The following BCAS3 variants were observed in gnomAD, a reference collection of about 807,000 sequenced individuals.
The protein encoded by BCAS3 is BCAS3 microtubule associated cell migration factor.
Under a neutral mutation model 116.1 loss-of-function variants are expected in BCAS3, and 53 were observed. That is an observed-to-expected ratio of 0.46 (90% CI 0.37 to 0.57). The LOEUF is 0.57. BCAS3 is among the 20% of genes least tolerant of loss of function. BCAS3 has a pLI of 0.00. For missense variants in BCAS3, 917 were observed against 1,165.4 expected (o/e 0.79, Z 3.10); for synonymous variants, 391 against 408.2 (o/e 0.96, Z 0.51).
intron 22 of BCAS3, among the ~76,000 whole-genome samples, chr17:61,184,284 T>C (rs940020067): frequency 6.6e-6 from 1 of 152,062 alleles, no homozygotes; most frequent in African/African-American, 2.4e-5. Flanking sequence ...AGAACTCTTA[T>C]AACTCAATAA....
chr17:61,000,264 T>C (rs2064146445), intron 15 of BCAS3, among the ~76,000 whole-genome samples: 1 of 152,180 alleles, frequency 6.6e-6, no homozygotes, highest in Admixed American at 6.5e-5. Flanking sequence ...ATGTTGGCTA[T>C]GAGTTTGTTG....
At chr17:60,788,589 A>G (rs1402821640) in intron 6 of BCAS3, among the ~76,000 whole-genome samples, 4 of 152,150 alleles carry the variant, frequency 2.6e-5, no homozygotes, top group Non-Finnish European at 5.9e-5. Flanking sequence ...TTTGGTGATC[A>G]TATTTAGTTG....
chr17:60,716,408 T>C (rs1251885045), intron 5 of BCAS3, among the ~76,000 whole-genome samples: 1 of 152,186 alleles, frequency 6.6e-6, no homozygotes, highest in African/African-American at 2.4e-5. Context: ...AAACAGAGGC[T>C]CTGAGATGAA....
chr17:60,932,984 G>C (rs1212119135), intron 13 of BCAS3, among the ~76,000 whole-genome samples: 2 of 151,982 alleles, frequency 1.3e-5, no homozygotes, highest in East Asian at 3.9e-4. Context: ...AGACCAGCCT[G>C]GCCAACATGG....
At chr17:61,280,833 A>G (rs1424653472) in intron 22 of BCAS3, among the ~76,000 whole-genome samples, 1 of 152,202 alleles carries the variant, frequency 6.6e-6, no homozygotes, top group Non-Finnish European at 1.5e-5. Context: ...TTTGGGCAGC[A>G]AAGATGGAGC....
Position 61,368,327 on chromosome 17 carries a change from G to A in BCAS3, c.2426G>A (p.Gly809Asp), listed in dbSNP as rs775141966. 2.5e-6 allele frequency: 4 copies of A among 1,592,158 alleles called. No individual in the cohort carries two copies. The highest frequency in any genetic ancestry group is 2.6e-6 in the Non-Finnish European group (3 of 1,163,192). Residue 809 changes from glycine to aspartate, a missense_variant and splice_region_variant, in exon 23 of 24, where the codon GGT (glycine) becomes GAT (aspartate). Coordinates refer to ENST00000407086, the MANE Select transcript of BCAS3 (RefSeq NM_017679.5). This position sits in a 1 kb window ranked among gnomAD's most constrained non-coding sequence, Gnocchi z 6.0. ...GTCAGATGTCCCGTGTGTGCCACAG[G>A]TACCTTTGACAGGAGCGTGACCCTG... ...GVSTVIDAAS[G>D]TFDRSVTLLE...
At chr17:61,070,369 A>ATATATATATATATATATATATATC (rs2071258845) in intron 19 of BCAS3, 1 of 91,174 alleles carries the variant, frequency 1.1e-5, no homozygotes, top group African/African-American at 1.6e-4. Context: ...AATTCTGAAT[A>ATATATATATATATATATATATATC]TATATATATA....
chr17:60,920,869 C>T (rs1439192659), intron 12 of BCAS3, among the ~76,000 whole-genome samples: 1 of 115,200 alleles, frequency 8.7e-6, no homozygotes, highest in Non-Finnish European at 1.8e-5. Flanking sequence ...GACTCCATCG[C>T]AAACAACAAC....
Position 61,106,921 on chromosome 17 carries a change from T to A in BCAS3, c.2425+22357T>A, listed in dbSNP as rs1256309966. On this transcript the variant is annotated intron_variant, in intron 22 of 23. Transcript: ENST00000407086. The surrounding 1 kb of genome is among the most constrained non-coding windows in gnomAD (Gnocchi z 4.2). ...AGGATAAATTCCCAGAAGTGGAAATTCTGGGTCCAGAATACGTATATTTTT... is the reference window on the plus strand; with the variant it reads ...AGGATAAATTCCCAGAAGTGGAAATACTGGGTCCAGAATACGTATATTTTT... Among the ~76,000 whole-genome samples the A allele has an allele frequency of 6.6e-6, 1 of 152,144 alleles. No individual in the cohort carries two copies. The highest frequency in any genetic ancestry group is 6.5e-5 in the Admixed American group (1 of 15,280).
rs2077162232 is a variant in BCAS3, at chr17:61,145,686, G to A, written c.2425+61122G>A. ...AAATATCCCTCCCCTTTTTACTTAA[G>A]CTGAAAAAGAATATAAAAATTAAAG... On this transcript the variant is annotated intron_variant, in intron 22 of 23. Coordinates refer to ENST00000407086, the MANE Select transcript of BCAS3 (RefSeq NM_017679.5). This position sits in a 1 kb window ranked among gnomAD's most constrained non-coding sequence, Gnocchi z 5.0. Among the ~76,000 whole-genome samples, 1 of 152,022 alleles carries A rather than the reference G, an allele frequency of 6.6e-6. No individual in the cohort carries two copies. The highest frequency in any genetic ancestry group is 1.5e-5 in the Non-Finnish European group (1 of 68,006).
intron 6 of BCAS3, among the ~76,000 whole-genome samples, chr17:60,748,340 A>G (rs1353820427): frequency 2.0e-5 from 3 of 152,146 alleles, no homozygotes; most frequent in Admixed American, 6.6e-5. Flanking sequence ...CTCCCTTGCT[A>G]TTCAACTCTA....
chr17:60,963,777 G>T (rs190616102), intron 14 of BCAS3, among the ~76,000 whole-genome samples: 3 of 152,008 alleles, frequency 2.0e-5, no homozygotes, highest in Admixed American at 6.6e-5. Context: ...GGATGGTCTC[G>T]ATCTCCTGAC....
At chr17:61,193,488 T>G (rs2080272456) in intron 22 of BCAS3, among the ~76,000 whole-genome samples, 1 of 152,138 alleles carries the variant, frequency 6.6e-6, no homozygotes, top group Non-Finnish European at 1.5e-5. Context: ...CCAGGTGCGG[T>G]GGCTCACGCC....
At chr17:61,168,350 A>G (rs777301933) in intron 22 of BCAS3, among the ~76,000 whole-genome samples, 7 of 151,896 alleles carry the variant, frequency 4.6e-5, no homozygotes, top group Non-Finnish European at 7.4e-5. Context: ...CCCTTCTCCT[A>G]TATTTTGTAT....
intron 14 of BCAS3, among the ~76,000 whole-genome samples, chr17:60,976,138 C>T (rs1291303718): frequency 1.4e-5 from 2 of 144,748 alleles, no homozygotes; most frequent in Admixed American, 1.5e-4. Flanking sequence ...ATTCTCCTGC[C>T]TCAGCCTCCT....
intron 13 of BCAS3, among the ~76,000 whole-genome samples, chr17:60,931,882 A>C (rs2059663991): frequency 6.6e-6 from 1 of 152,046 alleles, no homozygotes; most frequent in African/African-American, 2.4e-5. Flanking sequence ...AGACCAGCCT[A>C]GGCAACATGG....
intron 6 of BCAS3, among the ~76,000 whole-genome samples, chr17:60,769,014 G>A (rs1376560713): frequency 1.3e-5 from 2 of 152,168 alleles, no homozygotes; most frequent in Non-Finnish European, 2.9e-5. Flanking sequence ...CTTGATGGTG[G>A]TACATAGTGG....
At chr17:60,832,171 A>T (rs2050996498) in intron 7 of BCAS3, among the ~76,000 whole-genome samples, 1 of 152,184 alleles carries the variant, frequency 6.6e-6, no homozygotes, top group Non-Finnish European at 1.5e-5. Flanking sequence ...AGAGGAACAA[A>T]CTCTACAAAG....
At chr17:61,303,541 G>A (rs1460693298) in intron 22 of BCAS3, among the ~76,000 whole-genome samples, 1 of 152,160 alleles carries the variant, frequency 6.6e-6, no homozygotes, top group Non-Finnish European at 1.5e-5. Context: ...TTGGACTTTG[G>A]CACTTTCTCC....
Sources: allele counts gnomAD v4.1 joint callset (sites outside exome capture counted in the v4.1 genomes callset), GRCh38; gene constraint gnomAD v4.1.1; non-coding constraint Gnocchi (gnomAD v3.1); transcripts MANE v1.5; gene names NCBI Gene and HGNC (gene_info 2026-07-23, HGNC 2026-07-21).